RNF182: variants seen among roughly 807,000 people sequenced by gnomAD.
RNF182 encodes ring finger protein 182, also known as E3 ubiquitin-protein ligase RNF182.
Under a neutral mutation model 14.4 loss-of-function variants are expected in RNF182, and 15 were observed. That is an observed-to-expected ratio of 1.04 (90% CI 0.70 to 1.60). RNF182 has a LOEUF of 1.60. Among genes scored for constraint, RNF182 ranks in the 40% most tolerant of loss-of-function variants. RNF182 has a pLI of 0.00. For missense variants in RNF182, 268 were observed against 294.8 expected (o/e 0.91, Z 0.67); for synonymous variants, 128 against 122.9 (o/e 1.04, Z -0.27).
chr6:13,961,207 C>A (rs1224321207), intron 1 of RNF182, among the ~76,000 whole-genome samples: 3 of 152,172 alleles, frequency 2.0e-5, no homozygotes, highest in African/African-American at 7.2e-5. Context: ...GACAGAAAAC[C>A]TGTATACCTT....
chr6:13,928,425 T>C (rs781078578), intron 1 of RNF182, among the ~76,000 whole-genome samples: 63 of 152,244 alleles, frequency 4.1e-4, no homozygotes, highest in Non-Finnish European at 8.7e-4. Flanking sequence ...TTATTTATTT[T>C]ATATGTAATT....
intron 1 of RNF182, among the ~76,000 whole-genome samples, chr6:13,966,632 G>A (rs867505011): frequency 7.9e-5 from 12 of 151,938 alleles, no homozygotes; most frequent in Middle Eastern, 3.4e-3. Flanking sequence ...GCGTGGTGGC[G>A]CACACCTGTA....
chr6:13,948,143 A>G (rs1040110208), intron 1 of RNF182, among the ~76,000 whole-genome samples: 26 of 152,194 alleles, frequency 1.7e-4, no homozygotes, highest in African/African-American at 5.8e-4. Flanking sequence ...TGTTTTTCTC[A>G]ATATTTATGA....
intron 1 of RNF182, among the ~76,000 whole-genome samples, chr6:13,937,343 GACCC>G (rs1205032334): frequency 1.3e-5 from 2 of 152,158 alleles, no homozygotes; most frequent in African/African-American, 4.8e-5. Flanking sequence ...CCCCAAAGGT[GACCC>G]ATAGTCTGAA....
chr6:13,979,186 C>G lies in RNF182; in HGVS notation c.*1323C>G, dbSNP rs1439395381. On this transcript the variant is annotated 3_prime_UTR_variant, in exon 3 of 3. Coordinates refer to ENST00000488300, the MANE Select transcript of RNF182 (RefSeq NM_152737.4). ...CTAGGTGATTTGAGTTAATGAACTTCTTTTCATGATGTAGGGAAAGTTGAA... is the reference window on the plus strand; with the variant it reads ...CTAGGTGATTTGAGTTAATGAACTTGTTTTCATGATGTAGGGAAAGTTGAA... 25 of 166,960 alleles carry G rather than the reference C, an allele frequency of 1.5e-4. No homozygotes were observed. Among genetic ancestry groups the G allele is most frequent in the Admixed American group, 1.3e-3 (20 of 15,272 alleles). The allele number at this position is 166,960 out of a possible 1,614,324, so 10.3% of individuals were successfully genotyped here.
At chr6:13,954,240 TA>T (rs952850709) in intron 1 of RNF182, among the ~76,000 whole-genome samples, 1 of 152,218 alleles carries the variant, frequency 6.6e-6, no homozygotes, top group Non-Finnish European at 1.5e-5. Context: ...GACTTGCCTT[TA>T]AATAATATAA....
chr6:13,963,305 T>A (rs1295006182), intron 1 of RNF182, among the ~76,000 whole-genome samples: 2 of 152,202 alleles, frequency 1.3e-5, no homozygotes, highest in Non-Finnish European at 2.9e-5. Context: ...TGATACTCAT[T>A]GATAAATGAG....
At position 13,977,061 on chromosome 6, in the gene RNF182, T is replaced by C; in HGVS notation, c.-59T>C. 1.3e-6 allele frequency: 2 copies of C among 1,536,284 alleles called. No homozygotes were observed. The highest frequency in any genetic ancestry group is 1.8e-6 in the Non-Finnish European group (2 of 1,133,952). ...TGATATGATATTCAGAGGGGCACCTTAATCAAAGCCATTCTTCAACAAGAC... is the reference window on the plus strand; with the variant it reads ...TGATATGATATTCAGAGGGGCACCTCAATCAAAGCCATTCTTCAACAAGAC... On this transcript the variant is annotated 5_prime_UTR_variant, in exon 3 of 3. An upstream open reading frame in the 5' UTR loses its in-frame stop. Transcript: ENST00000488300.
At chr6:13,971,530 C>T (rs903298796) in intron 1 of RNF182, among the ~76,000 whole-genome samples, 4 of 152,114 alleles carry the variant, frequency 2.6e-5, no homozygotes, top group Admixed American at 2.6e-4. Context: ...TACCTGAAAA[C>T]GTGGGAGCAA....
intron 1 of RNF182, among the ~76,000 whole-genome samples, chr6:13,963,396 CA>C (rs1759930227): frequency 1.3e-5 from 2 of 152,138 alleles, no homozygotes; most frequent in South Asian, 2.1e-4. Flanking sequence ...TCTATTGTTA[CA>C]AAAGCACCTC....
At chr6:13,974,729 T>A (rs1292558796) in intron 2 of RNF182, among the ~76,000 whole-genome samples, 1 of 152,160 alleles carries the variant, frequency 6.6e-6, no homozygotes, top group East Asian at 1.9e-4. Flanking sequence ...TCATAAACAC[T>A]CACATGTCTA....
At chr6:13,930,337 C>G (rs1424616328) in intron 1 of RNF182, among the ~76,000 whole-genome samples, 1 of 152,196 alleles carries the variant, frequency 6.6e-6, no homozygotes, top group African/African-American at 2.4e-5. Context: ...GGAGCCAGCC[C>G]CCCTGCAGAT....
chr6:13,949,205 C>T, intron 1 of RNF182: 1 of 796,846 alleles, frequency 1.3e-6, no homozygotes. Context: ...GAATGCCTCT[C>T]TTATTTCTGC....
chr6:13,971,476 TAATACAGTA>T (rs1302283243), intron 1 of RNF182, among the ~76,000 whole-genome samples: 2 of 152,136 alleles, frequency 1.3e-5, no homozygotes, highest in African/African-American at 2.4e-5. Context: ...AAGAATCAAC[TAATACAGTA>T]AATTAGTACC....
chr6:13,971,062 A>G (rs1196605018), intron 1 of RNF182, among the ~76,000 whole-genome samples: 1 of 152,124 alleles, frequency 6.6e-6, no homozygotes, highest in Non-Finnish European at 1.5e-5. Context: ...GCCACTCCAT[A>G]GCCTGCACTA....
At chr6:13,949,067 A>G (rs949578017) in intron 1 of RNF182, 19 of 687,376 alleles carry the variant, frequency 2.8e-5, no homozygotes, top group African/African-American at 2.7e-4. Flanking sequence ...ACCTTTTATA[A>G]CCCTTTAAAT....
At chr6:13,953,646 T>C (rs916925567) in intron 1 of RNF182, among the ~76,000 whole-genome samples, 3 of 152,116 alleles carry the variant, frequency 2.0e-5, no homozygotes, top group Non-Finnish European at 2.9e-5. Context: ...AAGAGCAAAG[T>C]AGACAATCAG....
At chr6:13,927,594 A>G (rs1232794221) in intron 1 of RNF182, among the ~76,000 whole-genome samples, 1 of 152,260 alleles carries the variant, frequency 6.6e-6, no homozygotes, top group Admixed American at 6.5e-5. Flanking sequence ...GACAAAAAAA[A>G]GCCACAAATG....
chr6:13,956,413 C>G (rs280175), intron 1 of RNF182, among the ~76,000 whole-genome samples: 60,746 of 151,658 alleles, frequency 0.4, 13,454 homozygotes, highest in Middle Eastern at 0.51. Context: ...CAACCTCCAC[C>G]TCCCAGATTC....
Sources: allele counts gnomAD v4.1 joint callset (sites outside exome capture counted in the v4.1 genomes callset), GRCh38; gene constraint gnomAD v4.1.1; transcripts MANE v1.5; gene names NCBI Gene and HGNC (gene_info 2026-07-23, HGNC 2026-07-21).